Variants in TAF13 observed in about 807,000 individuals in gnomAD.
The protein encoded by TAF13 is TATA-box binding protein associated factor 13.
A neutral mutation model predicts 18.7 loss-of-function variants in TAF13; 9 were observed. The ratio of observed to expected loss-of-function variants is 0.48; its 90% CI spans 0.29 to 0.84. The LOEUF (loss-of-function observed/expected upper bound fraction) is 0.84, where lower values mean the gene tolerates loss of function less well. Ranked by LOEUF, TAF13 falls within the 40% of genes least tolerant of loss-of-function variation. The pLI is 0.08. For missense variants in TAF13, 105 were observed against 146.5 expected (o/e 0.72, Z 1.46); for synonymous variants, 49 against 44.1 (o/e 1.11, Z -0.44).
At chr1:109,075,602 T>G (rs1664165551) in intron 1 of TAF13, among the ~76,000 whole-genome samples, 1 of 152,164 alleles carries the variant, frequency 6.6e-6, no homozygotes, top group African/African-American at 2.4e-5. Context: ...TACTTCACAG[T>G]AAGTACAGTT....
intron 2 of TAF13, among the ~76,000 whole-genome samples, chr1:109,073,588 C>CA (rs1394680681): frequency 1.3e-5 from 2 of 152,134 alleles, no homozygotes; most frequent in East Asian, 1.9e-4. Context: ...GGCTGGTCTC[C>CA]GCTCCTGACC....
chr1:109,074,948 TC>T, intron 2 of TAF13, 38 bp downstream of exon 2: 1 of 1,514,602 alleles, frequency 6.6e-7, no homozygotes, highest in Non-Finnish European at 9.0e-7. Flanking sequence ...CCAAAAGTTT[TC>T]ATCATCTATA....
At chr1:109,070,582 C>T (rs918858245) in intron 2 of TAF13, among the ~76,000 whole-genome samples, 1 of 151,110 alleles carries the variant, frequency 6.6e-6, no homozygotes, top group Admixed American at 6.6e-5. Flanking sequence ...TTATTAGAGA[C>T]GGGGTTTCGC....
At position 109,064,397 on chromosome 1, in the gene TAF13, G is replaced by T; in HGVS notation, c.*126C>A. On this transcript the variant is annotated 3_prime_UTR_variant, in exon 4 of 4. Coordinates refer to ENST00000338366, the MANE Select transcript of TAF13 (RefSeq NM_005645.4). ...CTAAAATCAAAGGCATAAAAATAAA[G>T]GCTGAAAACTTTGTGTTTCTCCATC... 1 of 881,048 alleles carries T rather than the reference G, an allele frequency of 1.1e-6. No individual in the cohort carries two copies. The highest frequency in any genetic ancestry group is 1.6e-6 in the Non-Finnish European group (1 of 638,842). The allele number at this position is 881,048 out of a possible 1,614,324, so 54.6% of individuals were successfully genotyped here.
intron 2 of TAF13, 52 bp from the exon 3 acceptor site, chr1:109,066,284 T>G (rs749386303): frequency 4.9e-6 from 7 of 1,425,320 alleles, no homozygotes; most frequent in Non-Finnish European, 6.7e-6. Flanking sequence ...TTTAACAATT[T>G]GATACTTTAA....
intron 2 of TAF13, among the ~76,000 whole-genome samples, chr1:109,067,986 G>A (rs1055475271): frequency 6.6e-6 from 1 of 152,164 alleles, no homozygotes; most frequent in Non-Finnish European, 1.5e-5. Flanking sequence ...GGATCCGTGT[G>A]AATTCTTTTT....
chr1:109,069,304 C>G (rs976033051), intron 2 of TAF13, among the ~76,000 whole-genome samples: 1 of 152,078 alleles, frequency 6.6e-6, no homozygotes, highest in Non-Finnish European at 1.5e-5. Flanking sequence ...TGCAGATGCT[C>G]AAATCCCAGA....
At chr1:109,069,205 GT>G (rs1664007855) in intron 2 of TAF13, among the ~76,000 whole-genome samples, 1 of 38,114 alleles carries the variant, frequency 2.6e-5, no homozygotes, top group Non-Finnish European at 8.2e-5. Flanking sequence ...GTGTGTGAGT[GT>G]GTGTGTGTGT....
At chr1:109,075,556 C>T (rs549962954) in intron 1 of TAF13, among the ~76,000 whole-genome samples, 1 of 152,090 alleles carries the variant, frequency 6.6e-6, no homozygotes, top group Non-Finnish European at 1.5e-5. Context: ...ATTTTGAAAT[C>T]CAGGCTGTCT....
intron 2 of TAF13, among the ~76,000 whole-genome samples, chr1:109,071,862 G>A (rs60877418): frequency 0.3 from 45,501 of 149,638 alleles, 7,164 homozygotes; most frequent in East Asian, 0.35. Flanking sequence ...TGAAGCAGGA[G>A]AGTCGCTTGA....
intron 2 of TAF13, among the ~76,000 whole-genome samples, chr1:109,074,294 T>C (rs925984760): frequency 6.6e-6 from 1 of 152,192 alleles, no homozygotes; most frequent in Non-Finnish European, 1.5e-5. Context: ...CCGTGCTCTC[T>C]GAAACATGTG....
At chr1:109,075,524 A>G (rs1255636761) in intron 1 of TAF13, among the ~76,000 whole-genome samples, 1 of 152,190 alleles carries the variant, frequency 6.6e-6, no homozygotes, top group Non-Finnish European at 1.5e-5. Flanking sequence ...AAAGTTAAAT[A>G]ACTTGCTCAG....
intron 2 of TAF13, among the ~76,000 whole-genome samples, chr1:109,074,046 T>C (rs1664134233): frequency 6.6e-6 from 1 of 152,110 alleles, no homozygotes; most frequent in Non-Finnish European, 1.5e-5. Context: ...AAGGAGCCCC[T>C]CTGCCCTGCC....
At chr1:109,072,083 CAT>C (rs1198567507) in intron 2 of TAF13, among the ~76,000 whole-genome samples, 122 of 5,040 alleles carry the variant, frequency 0.024, 5 homozygotes, top group African/African-American at 0.076. Flanking sequence ...TATACACACA[CAT>C]ATATATATAT....
chr1:109,075,972 G>C lies in TAF13; in HGVS notation c.-25C>G, dbSNP rs372189612. 1 of 1,614,040 alleles carries C rather than the reference G, an allele frequency of 6.2e-7. No homozygotes were observed. Among genetic ancestry groups the C allele is most frequent in the African/African-American group, 1.3e-5 (1 of 74,922 alleles). On this transcript the variant is annotated 5_prime_UTR_variant, in exon 1 of 4. Transcript: ENST00000338366. Reference sequence around the variant, plus strand: ...TCCCACTAGCACGCCAACTCACAGCGTCCTGCCGGCTGGCTCCCAGCTGGT... The same window carrying C: ...TCCCACTAGCACGCCAACTCACAGCCTCCTGCCGGCTGGCTCCCAGCTGGT...
rs1466703620 is a variant in TAF13, at chr1:109,072,800, A to C, written c.106+2187T>G. 3.8e-5 allele frequency among the ~76,000 whole-genome samples: 5 copies of C among 132,534 alleles called. 1 individual carries two copies. The Admixed American group carries it at 4.0e-4, about 11-fold the overall frequency. The allele number at this position is 132,534 out of a possible 152,430, so 86.9% of individuals were successfully genotyped here. On this transcript the variant is annotated intron_variant, in intron 2 of 3. Transcript: ENST00000338366. Reference sequence around the variant, plus strand: ...ACCACCTTTTTTTTTTTTTTTTTTAAGACAGAGTCTTGCTGTGTCACCCAG... The same window carrying C: ...ACCACCTTTTTTTTTTTTTTTTTTACGACAGAGTCTTGCTGTGTCACCCAG...
At chr1:109,069,533 C>G (rs1664014970) in intron 2 of TAF13, among the ~76,000 whole-genome samples, 1 of 151,764 alleles carries the variant, frequency 6.6e-6, no homozygotes. Context: ...TTGGTTGAAT[C>G]CATGGATGCA....
chr1:109,064,845 C>G (rs1223395698), intron 3 of TAF13, 152 bp from the exon 4 acceptor site: 3 of 638,534 alleles, frequency 4.7e-6, no homozygotes, highest in African/African-American at 3.8e-5. Context: ...TACTCATGTC[C>G]TTTGTCTATT....
intron 2 of TAF13, among the ~76,000 whole-genome samples, chr1:109,068,636 C>T (rs1663991122): frequency 1.3e-5 from 2 of 152,158 alleles, no homozygotes; most frequent in African/African-American, 4.8e-5. Context: ...GTGTGAGCCA[C>T]CACACCCAGC....
Sources: gnomAD v4.1 joint callset for allele counts (sites outside exome capture counted in the v4.1 genomes callset) on GRCh38, gnomAD v4.1.1 for gene constraint, MANE v1.5 for transcripts, NCBI Gene and HGNC (gene_info 2026-07-23, HGNC 2026-07-21) for gene names.